The following PRDM5 variants were observed in gnomAD, a reference collection of about 807,000 sequenced individuals.
The protein encoded by PRDM5 is PR domain zinc finger protein 5.
PRDM5 carries 56 observed loss-of-function variants against 81.2 expected under a neutral mutation model. The observed-to-expected ratio is 0.69, with a 90% CI of 0.56 to 0.86. The LOEUF is 0.86. Ranked by LOEUF, PRDM5 falls within the 40% of genes least tolerant of loss-of-function variation. PRDM5 has a pLI of 0.00. For synonymous variants in PRDM5, 267 were observed against 256.4 expected (o/e 1.04, Z -0.39); for missense variants, 697 against 770.1 (o/e 0.91, Z 1.12).
intron 1 of PRDM5, among the ~76,000 whole-genome samples, chr4:120,911,688 A>C (rs1166407913): frequency 1.3e-5 from 2 of 152,102 alleles, no homozygotes; most frequent in Non-Finnish European, 2.9e-5. Context: ...TTATCTACAA[A>C]ACTTAGGGAT....
rs568559844 is a variant in PRDM5 at position 120,804,239 on chromosome 4, C to G, written c.946-4494G>C. Among the ~76,000 whole-genome samples the G allele has an allele frequency of 2.0e-5, 3 of 152,278 alleles. No individual in the cohort carries two copies. In the South Asian group the frequency reaches 6.2e-4, roughly 32 times the overall value. On this transcript the variant is annotated intron_variant, in intron 8 of 15. Coordinates refer to ENST00000264808, the MANE Select transcript of PRDM5 (RefSeq NM_018699.4). ...ACCTACAAAGAGATTTAGACTCCCA[C>G]ACAATAATAATTGGAGACTTTAACA...
intron 2 of PRDM5, among the ~76,000 whole-genome samples, chr4:120,884,220 CA>C (rs967039520): frequency 1.8e-4 from 27 of 151,610 alleles, no homozygotes; most frequent in Admixed American, 1.3e-3. Flanking sequence ...AGTGAATACA[CA>C]AAAAAAATAA....
intron 8 of PRDM5, among the ~76,000 whole-genome samples, chr4:120,803,486 C>T (rs1013567581): frequency 2.0e-5 from 3 of 152,152 alleles, no homozygotes; most frequent in South Asian, 2.1e-4. Flanking sequence ...AAGGAAAGCC[C>T]ATCAGACTAA....
chr4:120,711,325 G>A (rs1179443506), intron 14 of PRDM5, among the ~76,000 whole-genome samples: 1 of 152,164 alleles, frequency 6.6e-6, no homozygotes, highest in African/African-American at 2.4e-5. Context: ...TTGTGATGGA[G>A]TCTCCCTCTG....
At chr4:120,742,843 G>A (rs1742287957) in intron 14 of PRDM5, among the ~76,000 whole-genome samples, 1 of 152,060 alleles carries the variant, frequency 6.6e-6, no homozygotes, top group African/African-American at 2.4e-5. Context: ...GAACCAAGTT[G>A]GAAAACACTC....
At chr4:120,758,805 G>C (rs1039808846) in intron 13 of PRDM5, among the ~76,000 whole-genome samples, 10 of 151,568 alleles carry the variant, frequency 6.6e-5, no homozygotes, top group African/African-American at 2.4e-4. Context: ...GCCCAGGCTG[G>C]AGTGCAGTGG....
intron 13 of PRDM5, among the ~76,000 whole-genome samples, chr4:120,774,650 A>G (rs1310956100): frequency 6.6e-6 from 1 of 152,180 alleles, no homozygotes; most frequent in Non-Finnish European, 1.5e-5. Context: ...CCAGCCACCA[A>G]CCACTTCCAA....
At position 120,922,543 on chromosome 4, in the gene PRDM5, C is replaced by T. The variant is rs768970175; in HGVS notation, c.66G>A (p.Gly22=). The change falls in exon 1 of 16, where the codon GGG becomes GGA. Residue 22 remains glycine, a synonymous_variant. Transcript: ENST00000264808. ...LKSSRVQDGM[G]LYTARRVRKG... is the part of the protein sequence containing the mutation. ...TTCGCACTCTGCGGGCCGTGTAGAG[C>T]CCCATGCCGTCCTGAACCCGGGAGG... 6.2e-7 allele frequency: 1 copy of T among 1,610,746 alleles called. No individual in the cohort carries two copies. The highest frequency in any genetic ancestry group is 8.5e-7 in the Non-Finnish European group (1 of 1,178,910).
intron 13 of PRDM5, among the ~76,000 whole-genome samples, chr4:120,756,413 C>T (rs377257671): frequency 6.6e-6 from 1 of 152,246 alleles, no homozygotes; most frequent in East Asian, 1.9e-4. Flanking sequence ...CCAAGATAAC[C>T]CCACACTTTT....
chr4:120,902,886 A>G (rs1203571686), intron 2 of PRDM5, among the ~76,000 whole-genome samples: 1 of 152,148 alleles, frequency 6.6e-6, no homozygotes. Flanking sequence ...AGTGCTCCCC[A>G]TGACCCTAAG....
chr4:120,879,664 G>C (rs577215519), intron 2 of PRDM5, among the ~76,000 whole-genome samples: 5 of 152,128 alleles, frequency 3.3e-5, no homozygotes, highest in Non-Finnish European at 1.5e-5. Flanking sequence ...CATTAATCAA[G>C]TATTTACATT....
intron 2 of PRDM5, among the ~76,000 whole-genome samples, chr4:120,902,941 C>A (rs572679179): frequency 7.9e-5 from 12 of 152,300 alleles, no homozygotes; most frequent in African/African-American, 2.9e-4. Context: ...TCACACCTAC[C>A]AGGAGGCTCA....
rs138606081 is a variant in PRDM5 at position 120,799,165 on chromosome 4, C to T, written c.1030+496G>A. On this transcript the variant is annotated intron_variant, in intron 9 of 15. Transcript: ENST00000264808. ...ATTCATAAGACTTGCTTAAATGAAA[C>T]TACCGCTTTAAAAACTTACATACTC... Among the ~76,000 whole-genome samples, 29 of 152,190 alleles carry T rather than the reference C, an allele frequency of 1.9e-4. 1 individual carries two copies. The East Asian group carries it at 5.2e-3, about 27-fold the overall frequency.
chr4:120,783,117 T>C (rs1413839858), intron 11 of PRDM5, among the ~76,000 whole-genome samples: 2 of 152,146 alleles, frequency 1.3e-5, no homozygotes, highest in Non-Finnish European at 2.9e-5. Context: ...CTGATGTAAG[T>C]TTCTAACAAC....
chr4:120,900,792 A>G (rs1459547723), intron 2 of PRDM5, among the ~76,000 whole-genome samples: 2 of 152,176 alleles, frequency 1.3e-5, no homozygotes, highest in African/African-American at 4.8e-5. Flanking sequence ...TTTAATTGCT[A>G]TATTTTGTGG....
intron 12 of PRDM5, among the ~76,000 whole-genome samples, chr4:120,778,094 A>G (rs1010697669): frequency 1.3e-5 from 2 of 152,156 alleles, no homozygotes; most frequent in African/African-American, 4.8e-5. Flanking sequence ...CTCAAACTTA[A>G]GAGATTGGAG....
intron 10 of PRDM5, among the ~76,000 whole-genome samples, chr4:120,787,826 A>G (rs1046279093): frequency 6.6e-6 from 1 of 152,192 alleles, no homozygotes; most frequent in African/African-American, 2.4e-5. Flanking sequence ...GTCTAGCACT[A>G]CAGGTACTTG....
intron 3 of PRDM5, among the ~76,000 whole-genome samples, chr4:120,830,710 C>T (rs1230779307): frequency 1.3e-5 from 2 of 151,944 alleles, no homozygotes; most frequent in Non-Finnish European, 2.9e-5. Context: ...GTGCATTAAT[C>T]AGGTCATATA....
At chr4:120,735,567 T>C (rs843563) in intron 14 of PRDM5, among the ~76,000 whole-genome samples, 150,832 of 152,258 alleles carry the variant, frequency 0.99, 74,725 homozygotes, top group East Asian at 1. Flanking sequence ...ATGCTGAGAT[T>C]TCTCCTGCCA....
Sources: gnomAD v4.1 joint callset for allele counts (sites outside exome capture counted in the v4.1 genomes callset) on GRCh38, gnomAD v4.1.1 for gene constraint, MANE v1.5 for transcripts, NCBI Gene and HGNC (gene_info 2026-07-23, HGNC 2026-07-21) for gene names.